The following CACNA2D1 variants were observed in gnomAD, a reference collection of about 807,000 sequenced individuals.
CACNA2D1 encodes calcium voltage-gated channel auxiliary subunit alpha2delta 1.
CACNA2D1 carries 53 observed loss-of-function variants against 171.5 expected under a neutral mutation model. The ratio of observed to expected loss-of-function variants is 0.31; its 90% CI spans 0.25 to 0.39. CACNA2D1 has a LOEUF of 0.39. Ranked by LOEUF, CACNA2D1 falls within the 10% of genes least tolerant of loss-of-function variation. The pLI is 1.00. For missense variants in CACNA2D1, 903 were observed against 1,299.8 expected, an observed-to-expected ratio of 0.69 and a Z score of 4.69; for synonymous variants, 442 against 443.1, an observed-to-expected ratio of 1.00 and a Z score of 0.03.
intron 5 of CACNA2D1, among the ~76,000 whole-genome samples, chr7:82,132,096 T>C (rs1232094422): frequency 5.3e-5 from 8 of 152,224 alleles, no homozygotes; most frequent in African/African-American, 1.9e-4. Flanking sequence ...TAAATATTTC[T>C]ATTGCAGAAA....
intron 2 of CACNA2D1, among the ~76,000 whole-genome samples, chr7:82,335,758 C>T (rs1320883746): frequency 6.6e-6 from 1 of 152,076 alleles, no homozygotes; most frequent in Non-Finnish European, 1.5e-5. Context: ...AGACAGTTCA[C>T]ATATAGAAGA....
chr7:82,386,561 C>T (rs533604033), intron 1 of CACNA2D1, among the ~76,000 whole-genome samples: 6 of 151,918 alleles, frequency 3.9e-5, no homozygotes, highest in South Asian at 2.1e-4. Context: ...GGAGAAACCC[C>T]GTCTCTACTA....
chr7:82,416,806 G>A (rs1828221282), intron 1 of CACNA2D1, among the ~76,000 whole-genome samples: 1 of 152,138 alleles, frequency 6.6e-6, no homozygotes, highest in Admixed American at 6.5e-5. Flanking sequence ...CAGGAATTTT[G>A]GGGGAGCACA....
At chr7:82,111,480 C>A (rs1450028220) in intron 6 of CACNA2D1, among the ~76,000 whole-genome samples, 1 of 122,002 alleles carries the variant, frequency 8.2e-6, no homozygotes, top group Non-Finnish European at 1.6e-5. Context: ...CAGGGTCTCA[C>A]TCTGTCACCC....
chr7:82,141,826 A>G (rs755512580), intron 4 of CACNA2D1, among the ~76,000 whole-genome samples: 7 of 152,174 alleles, frequency 4.6e-5, no homozygotes, highest in Admixed American at 1.3e-4. Context: ...TTCTTTCTTA[A>G]TCATTTCCCT....
At chr7:82,137,893 A>G (rs540254563) in intron 4 of CACNA2D1, among the ~76,000 whole-genome samples, 1 of 151,946 alleles carries the variant, frequency 6.6e-6, no homozygotes, top group Non-Finnish European at 1.5e-5. Flanking sequence ...AACATATAAT[A>G]CACAATTTTT....
At chr7:82,324,631 T>A (rs969979355) in intron 3 of CACNA2D1, among the ~76,000 whole-genome samples, 1 of 152,072 alleles carries the variant, frequency 6.6e-6, no homozygotes, top group East Asian at 1.9e-4. Flanking sequence ...ATAAAGATGC[T>A]GCTCCAGTGT....
intron 3 of CACNA2D1, among the ~76,000 whole-genome samples, chr7:82,197,842 T>TTATATCTTATCTTGA (rs1799006792): frequency 1.3e-5 from 2 of 151,834 alleles, no homozygotes; most frequent in South Asian, 4.1e-4. Flanking sequence ...TGTGTTTTAA[T>TTATATCTTATCTTGA]TATATCTTAT....
In CACNA2D1 at chr7:82,344,654, C is replaced by T. The variant is rs73704222; in HGVS notation, c.177+4914G>A. ...GGGGGAGGATGATGGTGAAGGGAAACCATACTCTCTGCATTCTTTATAGTG... is the reference window on the plus strand; with the variant it reads ...GGGGGAGGATGATGGTGAAGGGAAATCATACTCTCTGCATTCTTTATAGTG... On this transcript the variant is annotated intron_variant, in intron 2 of 38. Coordinates refer to ENST00000356860, the MANE Select transcript of CACNA2D1 (RefSeq NM_000722.4). Among the ~76,000 whole-genome samples the T allele has an allele frequency of 3.3e-3, 494 of 151,814 alleles. 1 individual carries two copies. Among genetic ancestry groups the T allele is most frequent in the African/African-American group, 0.012 (482 of 41,170 alleles).
chr7:82,235,229 T>C (rs1803428632), intron 3 of CACNA2D1, among the ~76,000 whole-genome samples: 1 of 152,158 alleles, frequency 6.6e-6, no homozygotes, highest in South Asian at 2.1e-4. Context: ...TTCTCTCTGG[T>C]ACATTCGGCA....
chr7:82,312,211 C>T (rs1365691552), intron 3 of CACNA2D1, among the ~76,000 whole-genome samples: 2 of 152,244 alleles, frequency 1.3e-5, no homozygotes, highest in African/African-American at 2.4e-5. Flanking sequence ...ATAGCATACC[C>T]GTTACTAGTT....
chr7:82,138,449 GTTTT>G lies in CACNA2D1; in HGVS notation c.355-1777_355-1774del, dbSNP rs5885271. On this transcript the variant is annotated intron_variant, in intron 4 of 38. Coordinates refer to ENST00000356860, the MANE Select transcript of CACNA2D1 (RefSeq NM_000722.4). ...TAGTTTTGTTTTTTTTGTTTTTTTT[GTTTT>G]TTTTTTTTTTTGAGACAGAGTGTCG... is the stretch of plus-strand genomic sequence containing the variant. 1.8e-3 allele frequency among the ~76,000 whole-genome samples: 183 copies of G among 101,560 alleles called. 1 individual carries two copies. The highest frequency in any genetic ancestry group is 6.4e-3 in the African/African-American group (178 of 28,002). The allele number at this position is 101,560 out of a possible 152,430, so 66.6% of individuals were successfully genotyped here.
intron 7 of CACNA2D1, among the ~76,000 whole-genome samples, chr7:82,070,340 C>A (rs992913335): frequency 6.6e-6 from 1 of 152,182 alleles, no homozygotes; most frequent in Admixed American, 6.5e-5. Context: ...CATACAGGAA[C>A]AAGATTCTAT....
intron 5 of CACNA2D1, among the ~76,000 whole-genome samples, chr7:82,131,902 A>G (rs1188584110): frequency 6.6e-6 from 1 of 152,240 alleles, no homozygotes; most frequent in East Asian, 1.9e-4. Context: ...AAAAGATCCA[A>G]TTAAATCCAC....
intron 7 of CACNA2D1, among the ~76,000 whole-genome samples, chr7:82,082,849 A>G (rs965473038): frequency 6.6e-6 from 1 of 152,070 alleles, no homozygotes; most frequent in Non-Finnish European, 1.5e-5. Flanking sequence ...AAAAAATTAA[A>G]GCCATCATCC....
chr7:82,161,405 C>T (rs60405751), intron 4 of CACNA2D1, among the ~76,000 whole-genome samples: 13,267 of 151,906 alleles, frequency 0.087, 928 homozygotes, highest in African/African-American at 0.18. Context: ...GAGTGGATTC[C>T]GATTCATAAT....
At chr7:82,415,835 T>C (rs1828116287) in intron 1 of CACNA2D1, among the ~76,000 whole-genome samples, 1 of 151,580 alleles carries the variant, frequency 6.6e-6, no homozygotes, top group Non-Finnish European at 1.5e-5. Context: ...TAGATCAGTA[T>C]GTGTACACAT....
intron 3 of CACNA2D1, among the ~76,000 whole-genome samples, chr7:82,294,107 T>C (rs149569712): frequency 6.6e-6 from 1 of 152,300 alleles, no homozygotes; most frequent in African/African-American, 2.4e-5. Flanking sequence ...AAGATAGATA[T>C]GCTTGTTCAA....
chr7:82,004,579 T>C (rs1798936591), intron 18 of CACNA2D1, among the ~76,000 whole-genome samples: 1 of 152,154 alleles, frequency 6.6e-6, no homozygotes. Context: ...ACACTTGTGA[T>C]ATATTCTAAT....
Sources: allele counts gnomAD v4.1 joint callset (sites outside exome capture counted in the v4.1 genomes callset), GRCh38; gene constraint gnomAD v4.1.1; transcripts MANE v1.5; gene names NCBI Gene and HGNC (gene_info 2026-07-23, HGNC 2026-07-21).